XKR6: variants seen among roughly 807,000 people sequenced by gnomAD.
The protein encoded by XKR6 is XK related 6, also known as XK-related protein 6.
In XKR6, 22 loss-of-function variants were observed where a neutral mutation model predicts 56.7. The observed-to-expected ratio is 0.39, with a 90% confidence interval of 0.28 to 0.55. XKR6 has a LOEUF of 0.55. Ranked by LOEUF, XKR6 falls within the 20% of genes least tolerant of loss-of-function variation. XKR6 has a pLI of 0.66. For missense variants in XKR6, 852 were observed against 889.0 expected, an observed-to-expected ratio of 0.96 and a Z score of 0.53; for synonymous variants, 524 against 387.8, an observed-to-expected ratio of 1.35 and a Z score of -4.13.
intron 1 of XKR6, among the ~76,000 whole-genome samples, chr8:11,121,018 C>T (rs1239335807): frequency 2.6e-5 from 4 of 152,180 alleles, no homozygotes; most frequent in African/African-American, 4.8e-5. Flanking sequence ...CTTCCTTACA[C>T]CTTAGACAAA....
intron 1 of XKR6, among the ~76,000 whole-genome samples, chr8:11,085,439 GGTGTGTGT>G (rs142775403): frequency 2.0e-5 from 3 of 151,094 alleles, no homozygotes; most frequent in Non-Finnish European, 3.0e-5. Flanking sequence ...AGGTGAAAGA[GGTGTGTGT>G]GTGTGTGTGT....
chr8:11,011,281 C>T (rs895686238), intron 1 of XKR6, among the ~76,000 whole-genome samples: 16 of 152,198 alleles, frequency 1.1e-4, no homozygotes, highest in African/African-American at 3.9e-4. Flanking sequence ...AGGAGAGGCA[C>T]AGGAACCACC....
intron 1 of XKR6, among the ~76,000 whole-genome samples, chr8:10,960,062 C>T (rs1326801531): frequency 6.6e-6 from 1 of 152,220 alleles, no homozygotes; most frequent in Non-Finnish European, 1.5e-5. Context: ...TCACCCTAAT[C>T]CTGGCCCTGT....
intron 2 of XKR6, among the ~76,000 whole-genome samples, chr8:10,922,417 T>A (rs982315507): frequency 2.6e-5 from 4 of 152,184 alleles, no homozygotes; most frequent in Admixed American, 2.6e-4. Context: ...CGGCAGCACA[T>A]CCTGGCACCA....
chr8:11,105,056 T>C (rs1351463786), intron 1 of XKR6: 1 of 152,146 alleles, frequency 6.6e-6, no homozygotes, highest in Non-Finnish European at 1.5e-5. Context: ...TTATCAAAAC[T>C]TTCCCAGACT....
At chr8:11,195,344 G>C in intron 1 of XKR6, 3 of 588,848 alleles carry the variant, frequency 5.1e-6, no homozygotes, top group Non-Finnish European at 9.0e-6. Context: ...TTTCCAAATG[G>C]ATAGTCAACT....
intron 1 of XKR6, chr8:11,136,763 C>T (rs1469062730): frequency 2.0e-5 from 3 of 152,116 alleles, no homozygotes; most frequent in Non-Finnish European, 4.4e-5. Flanking sequence ...ATTTCCCAGA[C>T]CTCAGAACCA....
At position 10,972,478 on chromosome 8, in the gene XKR6, C is replaced by T. The variant is rs1471852165; in HGVS notation, c.765-47648G>A. On this transcript the variant is annotated intron_variant, in intron 1 of 2. Transcript: ENST00000416569. ...GAACAAGCTTGCTAATGGGCACTCC[C>T]GACTGAAGAATGGATGGCTGAGCAA... 3.3e-5 allele frequency among the ~76,000 whole-genome samples: 5 copies of T among 152,164 alleles called. No homozygotes were observed. The South Asian group carries it at 6.2e-4, about 19-fold the overall frequency.
chr8:10,952,430 T>C (rs1340586164), intron 1 of XKR6, among the ~76,000 whole-genome samples: 1 of 152,196 alleles, frequency 6.6e-6, no homozygotes, highest in Non-Finnish European at 1.5e-5. Context: ...TGAACTGTTA[T>C]TTCCTTGCAT....
intron 1 of XKR6, among the ~76,000 whole-genome samples, chr8:11,079,910 G>A (rs1037210673): frequency 3.9e-5 from 6 of 152,158 alleles, no homozygotes; most frequent in African/African-American, 1.2e-4. Context: ...GAGGCTGCAA[G>A]TAAGCCATGA....
At chr8:10,995,176 C>T (rs1431053341) in intron 1 of XKR6, among the ~76,000 whole-genome samples, 2 of 151,874 alleles carry the variant, frequency 1.3e-5, no homozygotes, top group African/African-American at 2.4e-5. Context: ...CAGTGTATGC[C>T]GGTAAGAGGC....
At chr8:11,069,206 G>A (rs1463948618) in intron 1 of XKR6, among the ~76,000 whole-genome samples, 3 of 151,778 alleles carry the variant, frequency 2.0e-5, no homozygotes, top group Admixed American at 2.0e-4. Context: ...TGATAAGGCA[G>A]GCAGGTTCCA....
intron 1 of XKR6, among the ~76,000 whole-genome samples, chr8:10,957,133 T>C (rs1348698027): frequency 1.3e-5 from 2 of 152,120 alleles, no homozygotes; most frequent in Non-Finnish European, 2.9e-5. Context: ...GTATTTTTAG[T>C]ACAGATTGGG....
intron 1 of XKR6, among the ~76,000 whole-genome samples, chr8:11,006,499 T>C (rs1798372186): frequency 6.6e-6 from 1 of 152,204 alleles, no homozygotes; most frequent in Admixed American, 6.5e-5. Context: ...TATATTCTAT[T>C]GATGAGAGAC....
At chr8:11,149,814 G>A (rs989843851) in intron 1 of XKR6, among the ~76,000 whole-genome samples, 3 of 152,206 alleles carry the variant, frequency 2.0e-5, no homozygotes, top group African/African-American at 7.2e-5. Context: ...CGATAGCAAA[G>A]ATGTGGACTC....
intron 1 of XKR6, among the ~76,000 whole-genome samples, chr8:10,959,312 C>T (rs1370070798): frequency 6.6e-6 from 1 of 152,126 alleles, no homozygotes; most frequent in Admixed American, 6.5e-5. Context: ...CTGTGACCCA[C>T]AGGTGGTCAC....
chr8:11,014,588 C>T (rs1028548530), intron 1 of XKR6, among the ~76,000 whole-genome samples: 2 of 152,134 alleles, frequency 1.3e-5, no homozygotes, highest in African/African-American at 4.8e-5. Context: ...CAGGTTTAGT[C>T]TCAGCTCAAA....
At chr8:10,991,099 T>C (rs2129140313) in intron 1 of XKR6, among the ~76,000 whole-genome samples, 1 of 152,124 alleles carries the variant, frequency 6.6e-6, no homozygotes, top group Middle Eastern at 3.4e-3. Flanking sequence ...AGACGGGGTT[T>C]CACCATGTTG....
At chr8:10,973,531 C>T (rs979294896) in intron 1 of XKR6, among the ~76,000 whole-genome samples, 1 of 152,212 alleles carries the variant, frequency 6.6e-6, no homozygotes, top group Non-Finnish European at 1.5e-5. Context: ...AACTGATGCT[C>T]AGGGAAAGCG....
Sources: gnomAD v4.1 joint callset for allele counts (sites outside exome capture counted in the v4.1 genomes callset) on GRCh38, gnomAD v4.1.1 for gene constraint, MANE v1.5 for transcripts, NCBI Gene and HGNC (gene_info 2026-07-23, HGNC 2026-07-21) for gene names.